Variants in SNX29 observed in about 807,000 individuals in gnomAD.
SNX29 encodes the protein sorting nexin 29.
A neutral mutation model predicts 102.1 loss-of-function variants in SNX29; 78 were observed. The ratio of observed to expected loss-of-function variants is 0.76; its 90% CI spans 0.64 to 0.92. The LOEUF is 0.92. Among genes scored for constraint, SNX29 ranks in the 40% least tolerant of loss-of-function variants. SNX29 has a pLI of 0.00. For synonymous variants in SNX29, 580 were observed against 414.5 expected, an observed-to-expected ratio of 1.40 and a Z score of -4.85; for missense variants, 1,280 against 1,061.7, an observed-to-expected ratio of 1.21 and a Z score of -2.86.
intron 20 of SNX29, among the ~76,000 whole-genome samples, chr16:12,564,829 C>G (rs12932393): frequency 0.27 from 39,321 of 145,836 alleles, 5,684 homozygotes; most frequent in East Asian, 0.44. Context: ...TGGTACACAA[C>G]GCTGAAGTCG....
intron 6 of SNX29, among the ~76,000 whole-genome samples, chr16:12,046,962 G>T (rs541380246): frequency 3.9e-4 from 60 of 152,328 alleles, no homozygotes; most frequent in African/African-American, 1.3e-3. Flanking sequence ...CCCTGGCAGA[G>T]AAAGTGAAGA....
At chr16:12,313,451 C>A (rs1596866771) in intron 15 of SNX29, among the ~76,000 whole-genome samples, 5 of 152,192 alleles carry the variant, frequency 3.3e-5, no homozygotes, top group Non-Finnish European at 7.3e-5. Context: ...TATACCTGCC[C>A]TTCTCTCTTC....
At chr16:11,977,003 C>A in intron 1 of SNX29, 190 bp downstream of exon 1, 1 of 695,354 alleles carries the variant, frequency 1.4e-6, no homozygotes, top group Non-Finnish European at 2.0e-6. Context: ...GGTCTCTGAT[C>A]TCCCGTGGCG....
At chr16:12,355,966 G>A (rs1313467966) in intron 15 of SNX29, among the ~76,000 whole-genome samples, 197 bp from the exon 16 acceptor site, 3 of 151,594 alleles carry the variant, frequency 2.0e-5, no homozygotes, top group African/African-American at 7.3e-5. Flanking sequence ...CTGAAGTGTC[G>A]GTATGAAGCA....
intron 20 of SNX29, among the ~76,000 whole-genome samples, chr16:12,539,613 G>A (rs1299835571): frequency 2.6e-5 from 4 of 152,192 alleles, no homozygotes; most frequent in African/African-American, 9.7e-5. Flanking sequence ...TAAGAGTTGA[G>A]GACTGGATCC....
intron 18 of SNX29, among the ~76,000 whole-genome samples, chr16:12,447,070 G>A (rs999755290): frequency 6.7e-6 from 1 of 148,960 alleles, no homozygotes; most frequent in African/African-American, 2.5e-5. Context: ...GGGAGGCTGA[G>A]GCAGCAGAAT....
intron 13 of SNX29, among the ~76,000 whole-genome samples, chr16:12,166,494 G>T (rs187520154): frequency 3.3e-5 from 5 of 152,308 alleles, no homozygotes; most frequent in African/African-American, 7.2e-5. Flanking sequence ...GCAGGAAGGC[G>T]GGGGGCATAG....
intron 20 of SNX29, among the ~76,000 whole-genome samples, chr16:12,567,991 C>T (rs984672109): frequency 2.6e-5 from 4 of 152,174 alleles, no homozygotes; most frequent in Admixed American, 6.5e-5. Context: ...CTGTTCCTGG[C>T]TCTTAAACAC....
chr16:12,428,143 C>T (rs892293754), intron 18 of SNX29, among the ~76,000 whole-genome samples: 17 of 152,008 alleles, frequency 1.1e-4, no homozygotes, highest in African/African-American at 4.1e-4. Flanking sequence ...GCCTCATCAC[C>T]CATCATGCAA....
intron 8 of SNX29, among the ~76,000 whole-genome samples, chr16:12,058,489 T>TTTG (rs2050615415): frequency 4.2e-5 from 1 of 23,668 alleles, no homozygotes; most frequent in Non-Finnish European, 9.7e-5. Context: ...TTTTTTTTGG[T>TTTG]TTTTGGTTTT....
At chr16:12,201,312 C>A (rs1303647599) in intron 14 of SNX29, among the ~76,000 whole-genome samples, 1 of 152,162 alleles carries the variant, frequency 6.6e-6, no homozygotes, top group Non-Finnish European at 1.5e-5. Flanking sequence ...CTCTGTTTCT[C>A]CAGCAACTGG....
At chr16:12,181,998 C>A (rs967786512) in intron 13 of SNX29, among the ~76,000 whole-genome samples, 1 of 151,944 alleles carries the variant, frequency 6.6e-6, no homozygotes, top group Non-Finnish European at 1.5e-5. Context: ...ATTCTCCTGC[C>A]TCACTGTTCT....
chr16:12,156,051 T>A (rs576461664), intron 13 of SNX29, among the ~76,000 whole-genome samples: 2 of 152,380 alleles, frequency 1.3e-5, no homozygotes, highest in South Asian at 4.1e-4. Flanking sequence ...TCTTTGCTGT[T>A]CCTTAACGTG....
intron 14 of SNX29, among the ~76,000 whole-genome samples, chr16:12,210,728 C>T (rs1392880076): frequency 1.3e-5 from 2 of 151,776 alleles, no homozygotes; most frequent in Non-Finnish European, 2.9e-5. Flanking sequence ...TCACATGTTC[C>T]CTCCCTCCCT....
chr16:12,449,005 A>G (rs927354866), intron 18 of SNX29, among the ~76,000 whole-genome samples: 1 of 152,190 alleles, frequency 6.6e-6, no homozygotes, highest in African/African-American at 2.4e-5. Flanking sequence ...ATTGAGGAAG[A>G]AGACTCAGTT....
chr16:12,567,001 C>G (rs368829894), intron 20 of SNX29, among the ~76,000 whole-genome samples: 2 of 152,316 alleles, frequency 1.3e-5, no homozygotes, highest in East Asian at 3.9e-4. Flanking sequence ...AAAGGTGCAA[C>G]GCAAAGTAGA....
chr16:12,399,859 T>G (rs911683342), intron 17 of SNX29, among the ~76,000 whole-genome samples: 7 of 151,820 alleles, frequency 4.6e-5, no homozygotes, highest in African/African-American at 1.7e-4. Flanking sequence ...ATGAAGAGGC[T>G]CCTGGAACGG....
intron 1 of SNX29, among the ~76,000 whole-genome samples, chr16:11,991,984 C>G (rs75624375): frequency 0.012 from 1,803 of 152,212 alleles, 43 homozygotes; most frequent in African/African-American, 0.042. Flanking sequence ...CAACATCTAC[C>G]TGTTGCAGTC....
At chr16:12,202,611 T>C (rs2076939928) in intron 14 of SNX29, among the ~76,000 whole-genome samples, 2 of 152,258 alleles carry the variant, frequency 1.3e-5, no homozygotes, top group Non-Finnish European at 2.9e-5. Context: ...TTAATGGCGT[T>C]GGACACCCTT....
Sources: gnomAD v4.1 joint callset for allele counts (sites outside exome capture counted in the v4.1 genomes callset) on GRCh38, gnomAD v4.1.1 for gene constraint, MANE v1.5 for transcripts, NCBI Gene and HGNC (gene_info 2026-07-23, HGNC 2026-07-21) for gene names.